Variants in NR2F1-AS1 observed in about 807,000 individuals in gnomAD.
NR2F1-AS1 encodes NR2F1 regulatory antisense RNA 1, also known as NR2F1 antisense RNA 1.
intron 2 of NR2F1-AS1, among the ~76,000 whole-genome samples, chr5:93,556,745 CA>C (rs1475589279): frequency 6.6e-6 from 1 of 152,170 alleles, no homozygotes; most frequent in Non-Finnish European, 1.5e-5. Flanking sequence ...CAGAAGCTAG[CA>C]AAGAACCATG....
At chr5:93,576,429 CT>C (rs199848607) in intron 1 of NR2F1-AS1, among the ~76,000 whole-genome samples, 4,740 of 138,154 alleles carry the variant, frequency 0.034, 124 homozygotes, top group African/African-American at 0.075. Context: ...TATGCTTGTG[CT>C]TTTTTTTTTT....
At chr5:93,464,270 C>T (rs1018406632) in intron 4 of NR2F1-AS1, among the ~76,000 whole-genome samples, 19 of 152,144 alleles carry the variant, frequency 1.2e-4, no homozygotes, top group African/African-American at 4.1e-4. Flanking sequence ...CTGTCTGCTG[C>T]CATGTGAGAT....
intron 4 of NR2F1-AS1, among the ~76,000 whole-genome samples, chr5:93,497,898 A>G (rs544576959): frequency 2.6e-5 from 4 of 152,330 alleles, no homozygotes; most frequent in African/African-American, 9.6e-5. Context: ...GTCAATTATA[A>G]AACATCTCAT....
At chr5:93,444,264 T>G (rs1476984892) in intron 4 of NR2F1-AS1, among the ~76,000 whole-genome samples, 1 of 152,106 alleles carries the variant, frequency 6.6e-6, no homozygotes, top group Non-Finnish European at 1.5e-5. Flanking sequence ...GCAAATTGGA[T>G]AAAGAGTTAA....
chr5:93,422,400 T>C (rs1749108037), intron 4 of NR2F1-AS1: 2 of 152,218 alleles, frequency 1.3e-5, no homozygotes, highest in South Asian at 2.1e-4. Context: ...AGTTTTCAAG[T>C]CAGTGTTTCC....
intron 4 of NR2F1-AS1, among the ~76,000 whole-genome samples, chr5:93,469,177 G>A (rs1245588955): frequency 3.3e-5 from 5 of 152,152 alleles, no homozygotes; most frequent in African/African-American, 1.2e-4. Flanking sequence ...AGGTGGTTTC[G>A]TCATTGTGTG....
chr5:93,523,187 G>GC (rs1235068527), intron 4 of NR2F1-AS1, among the ~76,000 whole-genome samples: 1 of 152,092 alleles, frequency 6.6e-6, no homozygotes, highest in African/African-American at 2.4e-5. Flanking sequence ...CATTACTGAG[G>GC]ATTGAGTAGG....
chr5:93,512,625 C>T (rs1297969328), intron 4 of NR2F1-AS1, among the ~76,000 whole-genome samples: 1 of 152,142 alleles, frequency 6.6e-6, no homozygotes, highest in Non-Finnish European at 1.5e-5. Flanking sequence ...CCCAGAGCAA[C>T]TTCCAGTCCT....
At chr5:93,489,681 C>G (rs1750797203) in intron 4 of NR2F1-AS1, among the ~76,000 whole-genome samples, 1 of 152,130 alleles carries the variant, frequency 6.6e-6, no homozygotes, top group East Asian at 1.9e-4. Flanking sequence ...CTAAAAAGCA[C>G]TATGCCTTTG....
chr5:93,413,772 A>C (rs1192891476), intron 4 of NR2F1-AS1, among the ~76,000 whole-genome samples: 1 of 152,216 alleles, frequency 6.6e-6, no homozygotes. Flanking sequence ...TCTAAACTAC[A>C]TCAGAATAGA....
At chr5:93,581,664 C>CTCGG (rs1753038454), upstream of NR2F1-AS1, among the ~76,000 whole-genome samples, 2 of 135,130 alleles carry the variant, frequency 1.5e-5, no homozygotes, top group Non-Finnish European at 3.2e-5. Flanking sequence ...GAATCGGGGT[C>CTCGG]TCGGTCTCTC....
chr5:93,562,755 T>G (rs1752522685), intron 2 of NR2F1-AS1, among the ~76,000 whole-genome samples: 1 of 152,212 alleles, frequency 6.6e-6, no homozygotes, highest in Admixed American at 6.5e-5. Context: ...ACCATATCAA[T>G]TATTATGGAT....
intron 1 of NR2F1-AS1, among the ~76,000 whole-genome samples, chr5:93,578,332 C>CA (rs1305085827): frequency 6.6e-6 from 1 of 152,124 alleles, no homozygotes; most frequent in Non-Finnish European, 1.5e-5. Context: ...TAGCAGCCCG[C>CA]AAGGGGTACT....
chr5:93,526,572 A>G (rs1751620383), intron 4 of NR2F1-AS1, among the ~76,000 whole-genome samples: 1 of 152,322 alleles, frequency 6.6e-6, no homozygotes, highest in South Asian at 2.1e-4. Context: ...AACATCCCTG[A>G]TGAACATCGA....
intron 4 of NR2F1-AS1, among the ~76,000 whole-genome samples, chr5:93,531,714 C>G (rs1751739925): frequency 6.6e-6 from 1 of 151,928 alleles, no homozygotes; most frequent in African/African-American, 2.4e-5. Flanking sequence ...TATTACAATC[C>G]AGGAATGAAA....
intron 1 of NR2F1-AS1, among the ~76,000 whole-genome samples, chr5:93,572,306 C>T (rs976870514): frequency 2.0e-5 from 3 of 152,200 alleles, no homozygotes; most frequent in Non-Finnish European, 4.4e-5. Context: ...TTGATGATGT[C>T]GCTCAAACTA....
chr5:93,481,668 T>C (rs1193738585), intron 4 of NR2F1-AS1, among the ~76,000 whole-genome samples: 2 of 152,080 alleles, frequency 1.3e-5, no homozygotes, highest in Non-Finnish European at 2.9e-5. Context: ...CATAACACAA[T>C]TTTCAATCGA....
chr5:93,539,941 A>T (rs1241032089), intron 4 of NR2F1-AS1, among the ~76,000 whole-genome samples: 1 of 152,226 alleles, frequency 6.6e-6, no homozygotes, highest in African/African-American at 2.4e-5. Context: ...AAAATAAAGC[A>T]GTGTCAGTGT....
At chr5:93,464,754 G>A (rs1750188252) in intron 4 of NR2F1-AS1, among the ~76,000 whole-genome samples, 1 of 152,136 alleles carries the variant, frequency 6.6e-6, no homozygotes, top group Non-Finnish European at 1.5e-5. Context: ...AAAACATCTA[G>A]CAGCACCTGA....
Sources: gnomAD v4.1 joint callset for allele counts (sites outside exome capture counted in the v4.1 genomes callset) on GRCh38, gnomAD v4.1.1 for gene constraint, MANE v1.5 for transcripts, NCBI Gene and HGNC (gene_info 2026-07-23, HGNC 2026-07-21) for gene names.